The following DLG2 variants were observed in gnomAD, a reference collection of about 807,000 sequenced individuals.
DLG2 encodes the protein discs large MAGUK scaffold protein 2.
Under a neutral mutation model 132.5 loss-of-function variants are expected in DLG2, and 45 were observed. The ratio of observed to expected loss-of-function variants is 0.34; its 90% CI spans 0.27 to 0.44. DLG2 has a LOEUF of 0.44. Among genes scored for constraint, DLG2 ranks in the 20% least tolerant of loss-of-function variants. The pLI, the probability that DLG2 is intolerant of heterozygous loss-of-function variation, is 1.00. For missense variants in DLG2, 1,045 were observed against 1,196.9 expected (o/e 0.87, Z 1.87); for synonymous variants, 424 against 419.6 (o/e 1.01, Z -0.13).
At chr11:85,021,431 T>C in intron 6 of DLG2, 2 of 1,398,500 alleles carry the variant, frequency 1.4e-6, no homozygotes, top group South Asian at 2.3e-5. Flanking sequence ...TGGTCAGCAA[T>C]CATTCTGCCA....
At chr11:84,077,615 T>C (rs1566373779) in intron 10 of DLG2, among the ~76,000 whole-genome samples, 1 of 152,234 alleles carries the variant, frequency 6.6e-6, no homozygotes, top group Admixed American at 6.5e-5. Context: ...ATTTAAATAG[T>C]AGCAAAGGAT....
At chr11:85,062,905 T>C (rs562687042) in intron 6 of DLG2, among the ~76,000 whole-genome samples, 6 of 151,884 alleles carry the variant, frequency 4.0e-5, no homozygotes, top group East Asian at 1.9e-4. Context: ...GTATACAACA[T>C]TTTTACAATT....
chr11:85,290,434 T>C (rs896195791), intron 3 of DLG2, among the ~76,000 whole-genome samples: 1 of 151,982 alleles, frequency 6.6e-6, no homozygotes, highest in African/African-American at 2.4e-5. Flanking sequence ...ACTAGCAACA[T>C]TGGACTTAAG....
intron 15 of DLG2, among the ~76,000 whole-genome samples, chr11:83,894,593 A>T (rs1185829421): frequency 2.0e-5 from 3 of 152,186 alleles, no homozygotes; most frequent in Non-Finnish European, 4.4e-5. Flanking sequence ...TGCAATAATC[A>T]CATCAGGGTA....
At chr11:83,732,165 GT>G (rs999254598) in intron 18 of DLG2, among the ~76,000 whole-genome samples, 2 of 152,126 alleles carry the variant, frequency 1.3e-5, no homozygotes, top group African/African-American at 4.8e-5. Flanking sequence ...GCCATTTTGT[GT>G]TTTTGGATGT....
chr11:84,123,014 GA>G lies in DLG2; in HGVS notation c.625-23968del, dbSNP rs553370448. Among the ~76,000 whole-genome samples the G allele has an allele frequency of 1.1e-3, 162 of 151,536 alleles. 1 individual carries two copies. Among genetic ancestry groups the G allele is most frequent in the African/African-American group, 3.5e-3 (144 of 41,340 alleles). On this transcript the variant is annotated intron_variant, in intron 9 of 27. Coordinates refer to ENST00000376104, the MANE Select transcript of DLG2 (RefSeq NM_001142699.3). ...CAAAGAAGAAAGAAGGAAAATATTG[GA>G]AAAAAAACCCCTAATATTTGCAGAG... is the stretch of plus-strand genomic sequence containing the variant.
intron 6 of DLG2, among the ~76,000 whole-genome samples, chr11:84,684,957 T>C (rs1488332656): frequency 6.6e-6 from 1 of 152,224 alleles, no homozygotes; most frequent in African/African-American, 2.4e-5. Flanking sequence ...TTTGACATTA[T>C]TAAGGTGAGT....
intron 16 of DLG2, among the ~76,000 whole-genome samples, chr11:83,863,662 C>G (rs1215918811): frequency 6.6e-6 from 1 of 151,216 alleles, no homozygotes; most frequent in African/African-American, 2.5e-5. Flanking sequence ...AAAAAATAAA[C>G]TGTCAAAAAA....
intron 16 of DLG2, among the ~76,000 whole-genome samples, chr11:83,851,832 T>C (rs1171543871): frequency 1.3e-5 from 2 of 151,684 alleles, no homozygotes; most frequent in Non-Finnish European, 2.9e-5. Flanking sequence ...AGGCAGAGAA[T>C]TGCTTGAACC....
intron 3 of DLG2, among the ~76,000 whole-genome samples, chr11:85,545,386 T>G (rs1252679123): frequency 6.6e-6 from 1 of 152,180 alleles, no homozygotes; most frequent in Non-Finnish European, 1.5e-5. Context: ...TGGATTCGGT[T>G]TGCCAGTATT....
At chr11:83,917,048 T>G (rs1345007421) in intron 15 of DLG2, among the ~76,000 whole-genome samples, 2 of 152,212 alleles carry the variant, frequency 1.3e-5, no homozygotes, top group Non-Finnish European at 2.9e-5. Flanking sequence ...GTCCTGAGGA[T>G]GCACTATTAG....
chr11:84,923,264 A>G (rs1421140002), intron 6 of DLG2: 2 of 1,498,638 alleles, frequency 1.3e-6, no homozygotes, highest in Non-Finnish European at 1.8e-6. Context: ...TTCTCTGACT[A>G]CAAAACGACA....
intron 6 of DLG2, among the ~76,000 whole-genome samples, chr11:84,821,627 T>TAAAAAAA (rs770947930): frequency 7.1e-5 from 5 of 70,908 alleles, no homozygotes; most frequent in Non-Finnish European, 1.3e-4. Context: ...TCATACAATG[T>TAAAAAAA]AAAAAAAAAA....
intron 6 of DLG2, among the ~76,000 whole-genome samples, chr11:84,830,228 G>A (rs2078853075): frequency 6.6e-6 from 1 of 151,570 alleles, no homozygotes; most frequent in Admixed American, 6.6e-5. Flanking sequence ...GTCCTGGTAT[G>A]AGGAGGCAAG....
intron 14 of DLG2, among the ~76,000 whole-genome samples, chr11:83,944,157 A>G (rs1219442373): frequency 6.6e-6 from 1 of 152,180 alleles, no homozygotes; most frequent in Non-Finnish European, 1.5e-5. Flanking sequence ...AAAAATGACT[A>G]AGCATTATGG....
At chr11:84,853,417 G>A (rs2082385577) in intron 6 of DLG2, among the ~76,000 whole-genome samples, 1 of 152,006 alleles carries the variant, frequency 6.6e-6, no homozygotes, top group Admixed American at 6.6e-5. Flanking sequence ...ACTTGTAAGA[G>A]AGGCATCTGG....
intron 6 of DLG2, among the ~76,000 whole-genome samples, chr11:84,607,046 G>T (rs1352824182): frequency 6.6e-6 from 1 of 151,940 alleles, no homozygotes; most frequent in African/African-American, 2.4e-5. Flanking sequence ...AAGAGCAGGG[G>T]GCCATAGAGC....
intron 19 of DLG2, among the ~76,000 whole-genome samples, chr11:83,563,691 A>G (rs2096653902): frequency 6.6e-6 from 1 of 152,212 alleles, no homozygotes; most frequent in South Asian, 2.1e-4. Context: ...GAGTAGGGTG[A>G]AAAACATCCT....
chr11:84,188,745 G>T (rs1255722258), intron 8 of DLG2, among the ~76,000 whole-genome samples: 1 of 152,066 alleles, frequency 6.6e-6, no homozygotes, highest in Non-Finnish European at 1.5e-5. Context: ...GCAAAGACAT[G>T]CTTATTCTTT....
Sources: gnomAD v4.1 joint callset for allele counts (sites outside exome capture counted in the v4.1 genomes callset) on GRCh38, gnomAD v4.1.1 for gene constraint, MANE v1.5 for transcripts, NCBI Gene and HGNC (gene_info 2026-07-23, HGNC 2026-07-21) for gene names.